DZIP1: variants seen among roughly 807,000 people sequenced by gnomAD.
DZIP1 encodes the protein cilium assembly protein DZIP1.
DZIP1 carries 97 observed loss-of-function variants against 107.6 expected under a neutral mutation model. That is an observed-to-expected ratio of 0.90 (90% CI 0.77 to 1.07). DZIP1 has a LOEUF of 1.07. Among genes scored for constraint, DZIP1 ranks in the 50% least tolerant of loss-of-function variants. DZIP1 has a pLI of 0.00. For synonymous variants in DZIP1, 390 were observed against 386.4 expected, an observed-to-expected ratio of 1.01 and a Z score of -0.11; for missense variants, 1,035 against 1,063.6, an observed-to-expected ratio of 0.97 and a Z score of 0.37.
At chr13:95,639,427 C>A (rs544012935) in intron 5 of DZIP1, among the ~76,000 whole-genome samples, 2 of 152,126 alleles carry the variant, frequency 1.3e-5, no homozygotes, top group South Asian at 4.2e-4. Context: ...CTCGTCTCTA[C>A]TAAAAATACA....
At chr13:95,638,419 T>C (rs1327456672) in intron 5 of DZIP1, among the ~76,000 whole-genome samples, 3 of 152,152 alleles carry the variant, frequency 2.0e-5, no homozygotes, top group African/African-American at 4.8e-5. Flanking sequence ...GAGGTGGGTA[T>C]ATGGTATGTC....
rs760051137 is a variant in DZIP1 at position 95,584,854 on chromosome 13, A to C, written c.2406T>G (p.Ser802=). Residue 802 remains serine, a synonymous_variant, in exon 22 of 23, where the codon TCT becomes TCG. Coordinates refer to ENST00000376829, the MANE Select transcript of DZIP1 (RefSeq NM_198968.4). Reference sequence around the variant, plus strand: ...GTTCTTTCCCAGATTTTTTTCCCAAAGATATCTCTTCCTCTAGGGATGATA... The same window carrying C: ...GTTCTTTCCCAGATTTTTTTCCCAACGATATCTCTTCCTCTAGGGATGATA... The part of the protein sequence containing the change: ...WDISSLEEEI[S]LGKKSGKEQK... 1 of 1,614,122 alleles carries C rather than the reference A, an allele frequency of 6.2e-7. No individual in the cohort carries two copies. The highest frequency in any genetic ancestry group is 1.7e-5 in the Admixed American group (1 of 60,016).
intron 15 of DZIP1, among the ~76,000 whole-genome samples, chr13:95,597,677 G>A (rs2044496383): frequency 1.3e-5 from 2 of 152,218 alleles, no homozygotes; most frequent in South Asian, 4.1e-4. Flanking sequence ...TGGCGGCTCA[G>A]CCCTGCTAAA....
At chr13:95,614,768 C>A (rs1874829427) in intron 10 of DZIP1, among the ~76,000 whole-genome samples, 1 of 152,130 alleles carries the variant, frequency 6.6e-6, no homozygotes, top group Non-Finnish European at 1.5e-5. Context: ...CAAGAGTCTT[C>A]TGTTGGGTAA....
intron 17 of DZIP1, 26 bp downstream of exon 17, chr13:95,590,253 C>A: frequency 6.5e-7 from 1 of 1,540,142 alleles, no homozygotes; most frequent in South Asian, 1.3e-5. Flanking sequence ...AATTAAGCTC[C>A]CATTTGCAGT....
chr13:95,587,923 C>T, intron 19 of DZIP1, 194 bp from the exon 20 acceptor site: 3 of 571,896 alleles, frequency 5.2e-6, no homozygotes, highest in Non-Finnish European at 5.8e-6. Context: ...CCTCCCACGC[C>T]CAGATCTCTG....
intron 16 of DZIP1, among the ~76,000 whole-genome samples, chr13:95,592,136 T>G (rs2044327184): frequency 6.6e-6 from 1 of 152,132 alleles, no homozygotes. Context: ...GGACACCTGA[T>G]CCAACTGGAA....
intron 9 of DZIP1, among the ~76,000 whole-genome samples, chr13:95,621,718 T>TGTGTG (rs1555311650): frequency 1.1e-5 from 1 of 89,708 alleles, no homozygotes; most frequent in Non-Finnish European, 2.8e-5. Context: ...GTGTGTGTAT[T>TGTGTG]TATTTATTTA....
Position 95,612,176 on chromosome 13 carries a change from AGCT to A in DZIP1, c.1174-2_1174del, listed in dbSNP as rs1480510148. On this transcript the variant is annotated splice_acceptor_variant and coding_sequence_variant, in exon 11 of 23. Transcript: ENST00000376829. LOFTEE classifies it high-confidence loss of function. Reference sequence around the variant, plus strand: ...TCGAAGTTTCTCTATATGTGACAGGAGCTGAAAAAAAGTTAAGAAAGGCATCCA... The same window carrying A: ...TCGAAGTTTCTCTATATGTGACAGGAGAAAAAAAGTTAAGAAAGGCATCCA... The A allele has an allele frequency of 6.2e-7, 1 of 1,607,578 alleles. No individual in the cohort carries two copies. Among genetic ancestry groups the A allele is most frequent in the Non-Finnish European group, 8.5e-7 (1 of 1,179,242 alleles).
At chr13:95,597,925 C>G (rs911916885) in intron 15 of DZIP1, among the ~76,000 whole-genome samples, 1 of 152,148 alleles carries the variant, frequency 6.6e-6, no homozygotes, top group Non-Finnish European at 1.5e-5. Context: ...ATTCAGCCTG[C>G]AGGATCTCGT....
At position 95,610,835 on chromosome 13, in the gene DZIP1, C is replaced by T. The variant is rs79552005; in HGVS notation, c.1363+610G>A. 8.2e-3 allele frequency among the ~76,000 whole-genome samples: 1,252 copies of T among 152,232 alleles called. 16 individuals carry two copies. The highest frequency in any genetic ancestry group is 0.028 in the African/African-American group (1,176 of 41,532). On this transcript the variant is annotated intron_variant, in intron 12 of 22. Transcript: ENST00000376829. Reference sequence around the variant, plus strand: ...AGTGAGTTTCTGATTTAAAAAGATGCGTTTGACCCAATTTCCTTTCTCTGT... The same window carrying T: ...AGTGAGTTTCTGATTTAAAAAGATGTGTTTGACCCAATTTCCTTTCTCTGT...
rs780132404 is a variant in DZIP1, at chr13:95,641,749, G to C, written c.143C>G (p.Pro48Arg). 4 of 1,588,830 alleles carry C rather than the reference G, an allele frequency of 2.5e-6. No homozygotes were observed. The highest frequency in any genetic ancestry group is 3.4e-6 in the Non-Finnish European group (4 of 1,173,740). The change falls in exon 5 of 23, where the codon CCC (proline) becomes CGC (arginine). Residue 48 changes from proline to arginine, a missense_variant. By Grantham distance (103) the Pro-to-Arg change is moderately radical (BLOSUM62 -2). Transcript: ENST00000376829. This position sits in a 1 kb window ranked among gnomAD's most constrained non-coding sequence, Gnocchi z 4.3. ...AGAASMACAP[P>R]SAASGPLPFF... ...GGGCAGGGGCCCCGAAGCCGCGCTG[G>C]GGGGCGCACAGGCCATGGAGGCCGC... is the stretch of plus-strand genomic sequence containing the variant.
chr13:95,633,317 T>C lies in DZIP1; in HGVS notation c.602A>G (p.His201Arg). 1.2e-6 allele frequency: 2 copies of C among 1,614,016 alleles called. No individual in the cohort carries two copies. Among genetic ancestry groups the C allele is most frequent in the Non-Finnish European group, 1.7e-6 (2 of 1,179,882 alleles). ...IEAKANYYQCHFCDKAFMNQA... is the reference protein window; with the variant it reads ...IEAKANYYQCRFCDKAFMNQA... ...GTTCATAAAGGCCTTGTCACAAAAA[T>C]GGCACTGAAAAGGAGAGAGCAACAA... is the stretch of plus-strand genomic sequence containing the variant. Residue 201 changes from histidine (H) to arginine (R), a missense_variant, in exon 6 of 23, where the codon CAT (histidine) becomes CGT (arginine). Coordinates refer to ENST00000376829, the MANE Select transcript of DZIP1 (RefSeq NM_198968.4).
Position 95,588,077 on chromosome 13 carries a change from A to G in DZIP1, c.2028-348T>C, listed in dbSNP as rs982583829. The G allele has an allele frequency of 1.7e-5, 3 of 179,936 alleles. No homozygotes were observed. In the East Asian group the frequency reaches 4.2e-4, roughly 25 times the overall value. The allele number at this position is 179,936 out of a possible 1,614,324, so 11.1% of individuals were successfully genotyped here. Reference sequence around the variant, plus strand: ...CAGTAAAACCACTCCATGTTTTAAAATTGTGTCATTACTTACAGCTTCTTT... The same window carrying G: ...CAGTAAAACCACTCCATGTTTTAAAGTTGTGTCATTACTTACAGCTTCTTT... On this transcript the variant is annotated intron_variant, in intron 19 of 22. Transcript: ENST00000376829.
chr13:95,611,589 T>G, intron 11 of DZIP1, 96 bp from the exon 12 acceptor site: 1 of 1,056,596 alleles, frequency 9.5e-7, no homozygotes, highest in Admixed American at 1.9e-5. Context: ...TAAATTAACC[T>G]TTTCACTAAA....
chr13:95,597,317 G>A (rs1448397795), intron 15 of DZIP1, among the ~76,000 whole-genome samples: 1 of 151,854 alleles, frequency 6.6e-6, no homozygotes, highest in African/African-American at 2.4e-5. Flanking sequence ...AGTACGCGAC[G>A]TTTTCTATGA....
At chr13:95,604,311 G>A (rs970600043) in intron 14 of DZIP1, among the ~76,000 whole-genome samples, 3 of 152,202 alleles carry the variant, frequency 2.0e-5, no homozygotes, top group Non-Finnish European at 2.9e-5. Flanking sequence ...TAAACATTAC[G>A]CAATCCATGA....
At chr13:95,638,527 A>G (rs1282657945) in intron 5 of DZIP1, among the ~76,000 whole-genome samples, 1 of 152,182 alleles carries the variant, frequency 6.6e-6, no homozygotes, top group Non-Finnish European at 1.5e-5. Flanking sequence ...TCCCCCATAT[A>G]TGGGTATTCA....
At chr13:95,590,222 G>GA (rs1397982968) in intron 17 of DZIP1, 57 bp downstream of exon 17, 9 of 1,457,804 alleles carry the variant, frequency 6.2e-6, no homozygotes, top group African/African-American at 1.4e-5. Context: ...GAAAAAAGAA[G>GA]AAAAAAAGAA....
Sources: allele counts gnomAD v4.1 joint callset (sites outside exome capture counted in the v4.1 genomes callset), GRCh38; gene constraint gnomAD v4.1.1; non-coding constraint Gnocchi (gnomAD v3.1); transcripts MANE v1.5; gene names NCBI Gene and HGNC (gene_info 2026-07-23, HGNC 2026-07-21).